Variants in MEIS1 observed in about 807,000 individuals in gnomAD.
MEIS1 encodes the protein homeobox protein Meis1.
MEIS1 carries 5 observed loss-of-function variants against 50.8 expected under a neutral mutation model. That is an observed-to-expected ratio of 0.10 (90% CI 0.05 to 0.21). The LOEUF is 0.21. Among genes scored for constraint, MEIS1 ranks in the 10% least tolerant of loss-of-function variants. The pLI is 1.00. For synonymous variants in MEIS1, 176 were observed against 179.3 expected (o/e 0.98, Z 0.15); for missense variants, 318 against 517.3 (o/e 0.61, Z 3.74).
intron 8 of MEIS1, among the ~76,000 whole-genome samples, chr2:66,523,424 A>G (rs1303609298): frequency 2.0e-5 from 3 of 152,232 alleles, no homozygotes; most frequent in Non-Finnish European, 4.4e-5. Context: ...TGGAATTTAT[A>G]TGTTTCAGTT....
intron 7 of MEIS1, among the ~76,000 whole-genome samples, chr2:66,471,045 AT>A (rs1306417088): frequency 6.6e-6 from 1 of 152,212 alleles, no homozygotes; most frequent in Non-Finnish European, 1.5e-5. Flanking sequence ...AGAACAATTG[AT>A]TAGCCAAAGA....
At position 66,568,847 on chromosome 2, in the gene MEIS1, T is replaced by A. The variant is rs77873518; in HGVS notation, c.1114+91T>A. 2.1e-3 allele frequency: 2,680 copies of A among 1,268,928 alleles called. 43 individuals are homozygous for A. The African/African-American group carries it at 0.035, about 16-fold the overall frequency. 78.6% of individuals were successfully genotyped at this position (1,268,928 alleles called of 1,614,324 possible). ...CAGGTAAATCCGCCTCATCCTTTTC[T>A]GTTATCTCAAGCTGGCTGCCTTGCC... is the stretch of plus-strand genomic sequence containing the variant. On this transcript the variant is annotated intron_variant, in intron 11 of 12. Coordinates refer to ENST00000272369, the MANE Select transcript of MEIS1 (RefSeq NM_002398.3).
At chr2:66,483,892 T>A (rs1673077123) in intron 7 of MEIS1, among the ~76,000 whole-genome samples, 1 of 152,206 alleles carries the variant, frequency 6.6e-6, no homozygotes, top group South Asian at 2.1e-4. Flanking sequence ...ATTTGGCCAC[T>A]AACAAAGTTT....
chr2:66,437,597 C>T (rs1299925613), intron 1 of MEIS1, 140 bp from the exon 2 acceptor site: 1 of 689,156 alleles, frequency 1.5e-6, no homozygotes, highest in Admixed American at 2.5e-5. Flanking sequence ...AAGAAAAACT[C>T]AGCTTTATAG....
At chr2:66,469,159 G>C in intron 7 of MEIS1, among the ~76,000 whole-genome samples, 1 of 151,480 alleles carries the variant, frequency 6.6e-6, no homozygotes, top group South Asian at 2.1e-4. Context: ...TCTCCTTTAG[G>C]AGGCAGGACT....
At chr2:66,512,434 A>G (rs1015314546) in intron 8 of MEIS1, 140 bp downstream of exon 8, 19 of 881,802 alleles carry the variant, frequency 2.2e-5, no homozygotes, top group African/African-American at 3.5e-5. Context: ...TTGCAAAAGT[A>G]TTAGCACTTA....
At chr2:66,515,830 A>T (rs546283580) in intron 8 of MEIS1, among the ~76,000 whole-genome samples, 82 of 152,334 alleles carry the variant, frequency 5.4e-4, no homozygotes, top group African/African-American at 1.9e-3. Context: ...AGGAATTCTT[A>T]CATTTGCCTG....
In MEIS1 at chr2:66,469,171, AG is replaced by A. The variant is rs570520804; in HGVS notation, c.742+4952del. 1.1e-4 allele frequency among the ~76,000 whole-genome samples: 16 copies of A among 150,784 alleles called. No individual in the cohort carries two copies. The South Asian group carries it at 3.4e-3, about 32-fold the overall frequency. On this transcript the variant is annotated intron_variant, in intron 7 of 12. Coordinates refer to ENST00000272369, the MANE Select transcript of MEIS1 (RefSeq NM_002398.3). The stretch of plus-strand genomic sequence containing the variant: ...ACTTCTCCTTTAGGAGGCAGGACTC[AG>A]AATAACAATAGTACCACTTAAAAAA...
chr2:66,467,002 C>T (rs1366367364), intron 7 of MEIS1, among the ~76,000 whole-genome samples: 1 of 151,742 alleles, frequency 6.6e-6, no homozygotes, highest in Non-Finnish European at 1.5e-5. Flanking sequence ...AAAGAAATCC[C>T]CTAGGCTTTA....
chr2:66,521,975 C>T (rs757924511), intron 8 of MEIS1, among the ~76,000 whole-genome samples: 10 of 152,192 alleles, frequency 6.6e-5, no homozygotes, highest in Non-Finnish European at 1.0e-4. Context: ...TGTCACCCAT[C>T]GTACAATATT....
rs11292294 is a variant in MEIS1, at chr2:66,442,270, T to TAA, written c.484-609_484-608dup. 1.5e-3 allele frequency among the ~76,000 whole-genome samples: 171 copies of TAA among 114,534 alleles called. 1 individual carries two copies. The highest frequency in any genetic ancestry group is 9.1e-3 in the Middle Eastern group (2 of 220). The allele number at this position is 114,534 out of a possible 152,430, so 75.1% of individuals were successfully genotyped here. A position where few individuals can be genotyped will look rare whatever the true frequency, so the allele number is the denominator to read the frequency against. ...TTTGAGGCATTCCTTCTCCTTTTTG[T>TAA]AAAAAAAAAAAAAAAAAAAAAAAAT... is the stretch of plus-strand genomic sequence containing the variant. On this transcript the variant is annotated intron_variant, in intron 5 of 12. Transcript: ENST00000272369.
intron 5 of MEIS1, among the ~76,000 whole-genome samples, chr2:66,442,516 CG>C (rs1672020085): frequency 6.6e-6 from 1 of 151,992 alleles, no homozygotes; most frequent in Non-Finnish European, 1.5e-5. Flanking sequence ...TATATACACA[CG>C]TATACATTTT....
At chr2:66,457,727 C>T (rs546041218) in intron 6 of MEIS1, among the ~76,000 whole-genome samples, 2 of 152,292 alleles carry the variant, frequency 1.3e-5, no homozygotes, top group East Asian at 3.9e-4. Flanking sequence ...ACAGCGATCC[C>T]ATTCACTGTG....
intron 7 of MEIS1, among the ~76,000 whole-genome samples, chr2:66,498,978 C>G (rs1158732332): frequency 6.6e-6 from 1 of 152,168 alleles, no homozygotes; most frequent in African/African-American, 2.4e-5. Context: ...CTTTACTGTG[C>G]CCACCAAAGT....
At chr2:66,535,612 C>T (rs1185424903) in intron 8 of MEIS1, among the ~76,000 whole-genome samples, 4 of 152,128 alleles carry the variant, frequency 2.6e-5, no homozygotes, top group African/African-American at 7.2e-5. Context: ...GAAACAAATA[C>T]GGTGGATCTG....
At chr2:66,571,062 G>T (rs1224239484) in intron 12 of MEIS1, 184 bp from the exon 13 acceptor site, 2 of 620,674 alleles carry the variant, frequency 3.2e-6, no homozygotes, top group South Asian at 2.5e-5. Flanking sequence ...GTGGCAAAAT[G>T]TGAGTTTCCA....
intron 2 of MEIS1, chr2:66,439,591 C>T (rs1219815583): frequency 3.9e-6 from 6 of 1,527,414 alleles, no homozygotes; most frequent in South Asian, 3.6e-5. Context: ...CCAATTTCTC[C>T]GGCCAGATAC....
chr2:66,474,684 C>A (rs1242896911), intron 7 of MEIS1, among the ~76,000 whole-genome samples: 4 of 152,126 alleles, frequency 2.6e-5, no homozygotes, highest in Non-Finnish European at 5.9e-5. Flanking sequence ...CTCAGTCTTG[C>A]ATATAGTTTT....
intron 8 of MEIS1, among the ~76,000 whole-genome samples, chr2:66,515,118 AGGAAATCCTT>A (rs1673933567): frequency 6.6e-6 from 1 of 152,188 alleles, no homozygotes; most frequent in Non-Finnish European, 1.5e-5. Flanking sequence ...CAACTTATCT[AGGAAATCCTT>A]TCTGAATTCT....
Sources: gnomAD v4.1 joint callset for allele counts (sites outside exome capture counted in the v4.1 genomes callset) on GRCh38, gnomAD v4.1.1 for gene constraint, MANE v1.5 for transcripts, NCBI Gene and HGNC (gene_info 2026-07-23, HGNC 2026-07-21) for gene names.